Variants in MARCHF3 observed in about 807,000 individuals in gnomAD.
MARCHF3 encodes the protein E3 ubiquitin-protein ligase MARCHF3.
MARCHF3 carries 13 observed loss-of-function variants against 24.2 expected under a neutral mutation model. That is an observed-to-expected ratio of 0.54 (90% CI 0.35 to 0.85). MARCHF3 has a LOEUF of 0.85. MARCHF3 is among the 40% of genes least tolerant of loss of function. The pLI is 0.01. For synonymous variants in MARCHF3, 144 were observed against 137.3 expected, an observed-to-expected ratio of 1.05 and a Z score of -0.34; for missense variants, 276 against 325.0, an observed-to-expected ratio of 0.85 and a Z score of 1.16.
chr5:126,920,171 T>C (rs1243088422), intron 1 of MARCHF3, among the ~76,000 whole-genome samples: 1 of 152,214 alleles, frequency 6.6e-6, no homozygotes, highest in Non-Finnish European at 1.5e-5. Context: ...GGTAGATATC[T>C]TCTTTTTATT....
chr5:126,915,429 A>C (rs1238690326), intron 2 of MARCHF3, among the ~76,000 whole-genome samples: 1 of 152,272 alleles, frequency 6.6e-6, no homozygotes, highest in African/African-American at 2.4e-5. Flanking sequence ...TTGAATATAA[A>C]TGTAGTTCAT....
At chr5:126,877,736 G>A (rs149574414) in intron 4 of MARCHF3, among the ~76,000 whole-genome samples, 129 of 152,304 alleles carry the variant, frequency 8.5e-4, no homozygotes, top group African/African-American at 2.9e-3. Context: ...GTGTCAGGAC[G>A]TAAGAAGGAA....
intron 1 of MARCHF3, among the ~76,000 whole-genome samples, chr5:126,948,546 G>A (rs1018412748): frequency 2.0e-5 from 3 of 152,144 alleles, no homozygotes; most frequent in East Asian, 1.9e-4. Flanking sequence ...AAGAATGAAC[G>A]GGAGAACCAA....
chr5:127,017,860 T>A (rs1206553347), intron 1 of MARCHF3, among the ~76,000 whole-genome samples: 7 of 152,202 alleles, frequency 4.6e-5, no homozygotes, highest in African/African-American at 1.4e-4. Flanking sequence ...CTGAGAGGGA[T>A]ATATTCAGCT....
At chr5:126,938,165 CTTTTTTTTTTTTTT>C (rs527628656) in intron 1 of MARCHF3, among the ~76,000 whole-genome samples, 1 of 122,916 alleles carries the variant, frequency 8.1e-6, no homozygotes, top group Non-Finnish European at 1.7e-5. Flanking sequence ...TGATCTGATT[CTTTTTTTTTTTTTT>C]TTTTTTTTGA....
At chr5:126,908,175 C>T (rs6595745) in intron 3 of MARCHF3, among the ~76,000 whole-genome samples, 150,181 of 152,350 alleles carry the variant, frequency 0.99, 74,071 homozygotes, top group East Asian at 1. Flanking sequence ...TTGTAGAGTT[C>T]CTGCCGACAG....
chr5:126,983,166 C>A (rs193099950), intron 1 of MARCHF3, among the ~76,000 whole-genome samples: 55 of 152,270 alleles, frequency 3.6e-4, no homozygotes, highest in Admixed American at 3.5e-3. Flanking sequence ...TGGATGCCAC[C>A]GGACACTGCT....
chr5:126,912,562 G>C (rs1040155927), intron 3 of MARCHF3, among the ~76,000 whole-genome samples: 1 of 152,084 alleles, frequency 6.6e-6, no homozygotes, highest in African/African-American at 2.4e-5. Flanking sequence ...CAAATAGGCA[G>C]GTTTTGCTGA....
At chr5:126,905,730 T>C (rs1387852217) in intron 3 of MARCHF3, among the ~76,000 whole-genome samples, 1 of 151,740 alleles carries the variant, frequency 6.6e-6, no homozygotes, top group Non-Finnish European at 1.5e-5. Flanking sequence ...GGCAATGGGG[T>C]TTTCTAGATA....
chr5:126,933,896 TA>T (rs1227179350), intron 1 of MARCHF3, among the ~76,000 whole-genome samples: 1 of 152,134 alleles, frequency 6.6e-6, no homozygotes, highest in Admixed American at 6.5e-5. Flanking sequence ...TTAAAAAGAG[TA>T]AAAAGGCCAT....
At chr5:127,001,233 G>A (rs867020694) in intron 1 of MARCHF3, among the ~76,000 whole-genome samples, 27 of 149,552 alleles carry the variant, frequency 1.8e-4, no homozygotes, top group Admixed American at 1.4e-3. Flanking sequence ...GCGAGACTTC[G>A]TCTAAAAAAA....
In MARCHF3 at chr5:126,870,615, C is replaced by G; in HGVS notation, c.*18G>C. On this transcript the variant is annotated 3_prime_UTR_variant, in exon 5 of 5. Coordinates refer to ENST00000308660, the MANE Select transcript of MARCHF3 (RefSeq NM_178450.5). ...AACCCCAAACAATGAATCAAACAAC[C>G]AACCAACCATACAAACATCAAACAA... The G allele has an allele frequency of 1.2e-6, 2 of 1,612,920 alleles. No homozygotes were observed. Among genetic ancestry groups the G allele is most frequent in the Non-Finnish European group, 1.7e-6 (2 of 1,179,226 alleles).
At chr5:126,929,097 T>C (rs1370101695) in intron 1 of MARCHF3, among the ~76,000 whole-genome samples, 2 of 152,244 alleles carry the variant, frequency 1.3e-5, no homozygotes, top group Admixed American at 1.3e-4. Context: ...TATGTCCCTC[T>C]CAGTCACATC....
At chr5:126,910,498 G>A (rs116325965) in intron 3 of MARCHF3, among the ~76,000 whole-genome samples, 2,573 of 152,324 alleles carry the variant, frequency 0.017, 67 homozygotes, top group African/African-American at 0.058. Context: ...GACCCTGAAC[G>A]GAGGGACCGG....
intron 1 of MARCHF3, among the ~76,000 whole-genome samples, chr5:126,956,798 A>G (rs1306788871): frequency 2.0e-5 from 3 of 151,922 alleles, no homozygotes; most frequent in Non-Finnish European, 4.4e-5. Context: ...AAAAGTTTCC[A>G]TTTTCTGTGA....
intron 1 of MARCHF3, among the ~76,000 whole-genome samples, chr5:126,960,706 C>T (rs1210459140): frequency 6.6e-6 from 1 of 152,008 alleles, no homozygotes; most frequent in Non-Finnish European, 1.5e-5. Context: ...TAGCCAGACA[C>T]CAGACTCTCA....
chr5:126,888,633 T>G (rs553230357), intron 3 of MARCHF3, among the ~76,000 whole-genome samples: 1 of 152,182 alleles, frequency 6.6e-6, no homozygotes, highest in Non-Finnish European at 1.5e-5. Flanking sequence ...ATCTGATCAA[T>G]GTAAAGCAAG....
At chr5:126,899,286 A>C (rs1754026062) in intron 3 of MARCHF3, 1 of 985,214 alleles carries the variant, frequency 1.0e-6, no homozygotes, top group Non-Finnish European at 1.2e-6. Flanking sequence ...AAAGTGAGGC[A>C]AAGAATTGAG....
rs530802173 is a variant in MARCHF3 at position 126,867,883 on chromosome 5, A to G, written c.*2750T>C. ...GGCAAGAGCATGCTGGATTTGTCTT[A>G]GTTGTTAATTCACCTTCTGGCTTCA... On this transcript the variant is annotated 3_prime_UTR_variant, in exon 5 of 5. Coordinates refer to ENST00000308660, the MANE Select transcript of MARCHF3 (RefSeq NM_178450.5). The G allele has an allele frequency of 1.5e-4, 23 of 152,370 alleles. No individual in the cohort carries two copies. Among genetic ancestry groups the G allele is most frequent in the Admixed American group, 1.3e-3 (20 of 15,302 alleles). 9.4% of individuals were successfully genotyped at this position (152,370 alleles called of 1,614,324 possible).
Sources: gnomAD v4.1 joint callset for allele counts (sites outside exome capture counted in the v4.1 genomes callset) on GRCh38, gnomAD v4.1.1 for gene constraint, MANE v1.5 for transcripts, NCBI Gene and HGNC (gene_info 2026-07-23, HGNC 2026-07-21) for gene names.